The following SNAP47 variants were observed in gnomAD, a reference collection of about 807,000 sequenced individuals.
The protein encoded by SNAP47 is synaptosome associated protein 47, also known as synaptosomal-associated protein 47.
Under a neutral mutation model 31.4 loss-of-function variants are expected in SNAP47, and 20 were observed. The ratio of observed to expected loss-of-function variants is 0.64; its 90% CI spans 0.45 to 0.93. The LOEUF is 0.93. SNAP47 is among the 40% of genes least tolerant of loss of function. The pLI is 0.00. For missense variants in SNAP47, 492 were observed against 528.5 expected (o/e 0.93, Z 0.68); for synonymous variants, 194 against 213.4 (o/e 0.91, Z 0.79).
intron 4 of SNAP47, chr1:227,776,295 AGCACTCCTT>A (rs1664155578): frequency 1.0e-6 from 1 of 998,198 alleles, no homozygotes; most frequent in Non-Finnish European, 1.2e-6. Context: ...CTGTCCTTCA[AGCACTCCTT>A]GCTCTATTTC....
intron 4 of SNAP47, among the ~76,000 whole-genome samples, chr1:227,777,857 C>T (rs1664251757): frequency 6.6e-6 from 1 of 152,134 alleles, no homozygotes; most frequent in Non-Finnish European, 1.5e-5. Flanking sequence ...GGCGGTGACC[C>T]GGGATGTGGT....
chr1:227,768,272 TGTCTG>T, intron 4 of SNAP47: 14 of 985,452 alleles, frequency 1.4e-5, no homozygotes, highest in Non-Finnish European at 1.7e-5. Context: ...AAAGCAAAGC[TGTCTG>T]TTGGGCTGAG....
Position 227,763,017 on chromosome 1 carries a change from T to G in SNAP47, c.988+3532T>G, listed in dbSNP as rs537269453. Among the ~76,000 whole-genome samples the G allele has an allele frequency of 6.6e-6, 1 of 152,104 alleles. No individual in the cohort carries two copies. The highest frequency in any genetic ancestry group is 1.9e-4 in the East Asian group (1 of 5,166). ...TGTCATCCAGGCTGGAGTGCAGAGG[T>G]GCAATCATAGCTCACTGTAACTTCA... On this transcript the variant is annotated intron_variant, in intron 3 of 4. Coordinates refer to ENST00000617596, the MANE Select transcript of SNAP47 (RefSeq NM_053052.4). This position sits in a 1 kb window ranked among gnomAD's most constrained non-coding sequence, Gnocchi z 4.2.
rs376478626 is a variant in SNAP47 at position 227,747,845 on chromosome 1, A to G, written c.109A>G (p.Met37Val). The G allele has an allele frequency of 1.0e-4, 165 of 1,614,084 alleles. No homozygotes were observed. Among genetic ancestry groups the G allele is most frequent in the Non-Finnish European group, 1.3e-4 (158 of 1,180,038 alleles). ...CTTAACATCGCTGTCGCTCAGGTTC[A>G]TGACTGACAGCACTGGAGAGATTCT... ...LSLTSLSLRF[M>V]TDSTGEILVS... The change falls in exon 2 of 5, where the codon ATG becomes GTG. Residue 37 changes from methionine to valine, a missense_variant. Transcript: ENST00000617596.
chr1:227,755,338 G>A (rs1314145116), intron 2 of SNAP47, among the ~76,000 whole-genome samples: 7 of 152,062 alleles, frequency 4.6e-5, no homozygotes, highest in Admixed American at 4.6e-4. Flanking sequence ...CATGTAGCTG[G>A]ACCACAGGCA....
chr1:227,735,129 A>G (rs1365983730), upstream of SNAP47: 1 of 1,579,940 alleles, frequency 6.3e-7, no homozygotes, highest in South Asian at 1.1e-5. Flanking sequence ...TTGGGCAGCA[A>G]GAAGCCCCGC....
chr1:227,776,038 G>A, intron 4 of SNAP47: 2 of 1,199,450 alleles, frequency 1.7e-6, no homozygotes, highest in Non-Finnish European at 2.1e-6. Flanking sequence ...TAAGCTGGCA[G>A]TGTCAGCCAC....
intron 2 of SNAP47, among the ~76,000 whole-genome samples, chr1:227,753,563 G>A (rs755645874): frequency 3.9e-5 from 6 of 152,086 alleles, no homozygotes; most frequent in African/African-American, 7.2e-5. Flanking sequence ...TCCATAAGTC[G>A]CTGTTAGATG....
chr1:227,777,714 T>TA (rs1664244970), intron 4 of SNAP47, among the ~76,000 whole-genome samples: 1 of 152,238 alleles, frequency 6.6e-6, no homozygotes, highest in African/African-American at 2.4e-5. Context: ...ACAGATTTAA[T>TA]ACAGCTTATT....
chr1:227,766,988 CG>C lies in SNAP47; in HGVS notation c.1019del (p.Arg340LeufsTer30). 6.2e-7 allele frequency: 1 copy of C among 1,613,948 alleles called. No homozygotes were observed. The highest frequency in any genetic ancestry group is 8.5e-7 in the Non-Finnish European group (1 of 1,180,034). ...ASGLMGRTLHREPPAGDQEGT... is the reference protein window; with the variant it reads ...ASGLMGRTLHXEPPAGDQEGT... The stretch of plus-strand genomic sequence containing the variant: ...TGGGCTGATGGGCCGTACCCTGCAC[CG>C]TGAGCCACCCGCAGGAGACCAGGAG... On this transcript the variant is annotated frameshift_variant, in exon 4 of 5. Transcript: ENST00000617596. LOFTEE classifies it high-confidence loss of function.
At chr1:227,735,228 G>A (rs746358059), upstream of SNAP47, 12 of 1,596,958 alleles carry the variant, frequency 7.5e-6, no homozygotes, top group Admixed American at 1.7e-5. Flanking sequence ...TCGACCCCCA[G>A]GCCTCGGAAG....
chr1:227,765,352 C>CGGGG (rs1246658750), intron 3 of SNAP47, among the ~76,000 whole-genome samples: 1 of 152,160 alleles, frequency 6.6e-6, no homozygotes, highest in Non-Finnish European at 1.5e-5. Context: ...GCGAGGTGGA[C>CGGGG]GGGGGCCACC....
In SNAP47 at chr1:227,735,621, G is replaced by T. The variant is rs928298475; in HGVS notation, c.-46+122G>T. 8.3e-6 allele frequency: 11 copies of T among 1,326,234 alleles called. No individual in the cohort carries two copies. In the African/African-American group the frequency reaches 1.4e-4, roughly 17 times the overall value. 82.2% of individuals were successfully genotyped at this position (1,326,234 alleles called of 1,614,324 possible). ...GCCCTCCTTCCCGCATCCCCGGGGGGTGGGGGGTATGCGGGCTGCGCTGGG... is the reference window on the plus strand; with the variant it reads ...GCCCTCCTTCCCGCATCCCCGGGGGTTGGGGGGTATGCGGGCTGCGCTGGG... On this transcript the variant is annotated intron_variant, in intron 1 of 4. Transcript: ENST00000617596.
intron 4 of SNAP47, among the ~76,000 whole-genome samples, chr1:227,769,914 G>T (rs1558212887): frequency 6.6e-6 from 1 of 152,174 alleles, no homozygotes; most frequent in Non-Finnish European, 1.5e-5. Context: ...TCCTGCTTTG[G>T]GGTTGCTGTG....
chr1:227,776,425 C>G (rs907478186), intron 4 of SNAP47: 1 of 986,700 alleles, frequency 1.0e-6, no homozygotes, highest in Non-Finnish European at 1.2e-6. Flanking sequence ...GATTTCTTTA[C>G]TCATGTAGCA....
intron 1 of SNAP47, chr1:227,743,881 T>G (rs1421697391): frequency 1.3e-5 from 2 of 152,226 alleles, no homozygotes. Flanking sequence ...TCTTATTGTG[T>G]GTTGATGATA....
At chr1:227,744,455 T>A (rs1001166299) in intron 1 of SNAP47, among the ~76,000 whole-genome samples, 2 of 152,186 alleles carry the variant, frequency 1.3e-5, no homozygotes, top group African/African-American at 2.4e-5. Context: ...GAAGTTAAAT[T>A]CATTGTGCTG....
chr1:227,734,774 T>C, upstream of SNAP47: 4 of 1,614,116 alleles, frequency 2.5e-6, no homozygotes, highest in Non-Finnish European at 3.4e-6. Context: ...GTTCGAGTTG[T>C]ATTCCTGGAC....
intron 4 of SNAP47, among the ~76,000 whole-genome samples, chr1:227,767,684 A>G (rs1312011542): frequency 7.9e-6 from 1 of 125,996 alleles, no homozygotes; most frequent in Non-Finnish European, 1.8e-5. Context: ...GTATATGTGC[A>G]TGTCTTGTGT....
Sources: gnomAD v4.1 joint callset for allele counts (sites outside exome capture counted in the v4.1 genomes callset) on GRCh38, gnomAD v4.1.1 for gene constraint, Gnocchi (gnomAD v3.1) non-coding constraint, MANE v1.5 for transcripts, NCBI Gene and HGNC (gene_info 2026-07-23, HGNC 2026-07-21) for gene names.